The following INTS11 variants were observed in gnomAD, a reference collection of about 807,000 sequenced individuals.
INTS11 encodes the protein CPSF3-like protein.
INTS11 carries 77 observed loss-of-function variants against 78.6 expected under a neutral mutation model. The observed-to-expected ratio is 0.98, with a 90% CI of 0.81 to 1.18. The LOEUF (loss-of-function observed/expected upper bound fraction) is 1.18, where lower values mean the gene tolerates loss of function less well. INTS11 is among the 50% of genes most tolerant of loss of function. The probability of loss-of-function intolerance (pLI) is 0.00; values close to 1 mark genes in which losing one functional copy is unlikely to be tolerated. For synonymous variants in INTS11, 441 were observed against 326.9 expected, an observed-to-expected ratio of 1.35 and a Z score of -3.77; for missense variants, 875 against 825.9, an observed-to-expected ratio of 1.06 and a Z score of -0.73.
rs780852533 is a variant in INTS11 at position 1,311,854 on chromosome 1, C to G, written c.*5G>C. On this transcript the variant is annotated 3_prime_UTR_variant, in exon 17 of 17. Transcript: ENST00000435064. ...CAGAGGTGGCGGCTGGGTGAGTTGCCGGCCTCAGCTGGGGGCCTGGGGGAG... is the reference window on the plus strand; with the variant it reads ...CAGAGGTGGCGGCTGGGTGAGTTGCGGGCCTCAGCTGGGGGCCTGGGGGAG... The G allele has an allele frequency of 6.5e-7, 1 of 1,544,618 alleles. No individual in the cohort carries two copies. Among genetic ancestry groups the G allele is most frequent in the South Asian group, 1.2e-5 (1 of 80,828 alleles).
intron 3 of INTS11, 40 bp downstream of exon 3, chr1:1,320,416 C>T (rs1642876195): frequency 6.3e-7 from 1 of 1,597,726 alleles, no homozygotes; most frequent in Admixed American, 1.7e-5. Context: ...GCCCCACAGG[C>T]ACAGACATGG....
chr1:1,323,518 A>G (rs1033432056), intron 1 of INTS11, among the ~76,000 whole-genome samples: 5 of 150,904 alleles, frequency 3.3e-5, no homozygotes, highest in African/African-American at 1.2e-4. Flanking sequence ...AATCCTCACA[A>G]CTCAGCCTCC....
intron 4 of INTS11, chr1:1,318,481 C>A (rs1018518259): frequency 6.2e-6 from 1 of 160,898 alleles, no homozygotes; most frequent in African/African-American, 2.4e-5. Flanking sequence ...GCAACACATA[C>A]CCATCTCTAC....
chr1:1,313,896 T>G lies in INTS11; in HGVS notation c.793A>C (p.Ile265Leu). Residue 265 changes from isoleucine (I) to leucine (L), a missense_variant, in exon 9 of 17, where the codon ATC becomes CTC. Transcript: ENST00000435064. ...TCGGTCAGCCCCGTGGAGAAGTAGA[T>G]GGGCACCTTCAGGTTCATGCGCTCC... is the stretch of plus-strand genomic sequence containing the variant. ...FWERMNLKVP[I>L]YFSTGLTEKA... 6.2e-7 allele frequency: 1 copy of G among 1,612,890 alleles called. No individual in the cohort carries two copies. The highest frequency in any genetic ancestry group is 8.5e-7 in the Non-Finnish European group (1 of 1,179,848).
At position 1,319,804 on chromosome 1, in the gene INTS11, G is replaced by A. The variant is rs137904791; in HGVS notation, c.201-280C>T. On this transcript the variant is annotated intron_variant, in intron 3 of 16. Transcript: ENST00000435064. Reference sequence around the variant, plus strand: ...TGCTGAGGGAACCGCGCATAGGGGAGCCGCTGGCTTTTCAGGCAGTCAGGA... The same window carrying A: ...TGCTGAGGGAACCGCGCATAGGGGAACCGCTGGCTTTTCAGGCAGTCAGGA... 1.6e-5 allele frequency: 7 copies of A among 434,560 alleles called. No individual in the cohort carries two copies. In the East Asian group the frequency reaches 2.9e-4, roughly 18 times the overall value. The allele number at this position is 434,560 out of a possible 1,614,324, so 26.9% of individuals were successfully genotyped here.
At chr1:1,316,000 T>C (rs948034316) in intron 4 of INTS11, among the ~76,000 whole-genome samples, 1 of 152,176 alleles carries the variant, frequency 6.6e-6, no homozygotes, top group Non-Finnish European at 1.5e-5. Context: ...AGCGTGGACT[T>C]TGAATACATG....
intron 1 of INTS11, among the ~76,000 whole-genome samples, chr1:1,322,226 T>C (rs557988423): frequency 6.6e-6 from 1 of 151,746 alleles, no homozygotes; most frequent in South Asian, 2.1e-4. Flanking sequence ...GGGCCCGGGC[T>C]GGTTTTCTGA....
In INTS11 at chr1:1,312,213, G is replaced by GGGGGGGGGGGGCCCCCCCCCCCCCCCC; in HGVS notation, c.1607+12_1607+13insGGGGGGGGGGGGGGGGCCCCCCCCCCC. ...CCCAAGGGAGTGGGGGGGGGGCGGG[G>GGGGGGGGGGGGCCCCCCCCCCCCCCCC]CCGGGCGCCCACCTCTTGAGGTGGC... On this transcript the variant is annotated intron_variant, in intron 15 of 16. Coordinates refer to ENST00000435064, the MANE Select transcript of INTS11 (RefSeq NM_017871.6). 2 of 934,610 alleles carry GGGGGGGGGGGGCCCCCCCCCCCCCCCC rather than the reference G, an allele frequency of 2.1e-6. No homozygotes were observed. The highest frequency in any genetic ancestry group is 3.1e-6 in the Non-Finnish European group (2 of 636,658). The allele number at this position is 934,610 out of a possible 1,614,324, so 57.9% of individuals were successfully genotyped here. A position where few individuals can be genotyped will look rare whatever the true frequency, so the allele number is the denominator to read the frequency against.
At position 1,312,842 on chromosome 1, in the gene INTS11, C is replaced by T. The variant is rs776895685; in HGVS notation, c.1239G>A (p.Val413=). ...GQAEPESVLL[V]HGEAKKMEFL... ...ACTCCATCTTCTTGGCCTCGCCATGCACCAGCAGCACGCTCTCCGGCTCTG... is the reference window on the plus strand; with the variant it reads ...ACTCCATCTTCTTGGCCTCGCCATGTACCAGCAGCACGCTCTCCGGCTCTG... Residue 413 remains valine (V), a synonymous_variant, in exon 12 of 17, where the codon GTG becomes GTA. Coordinates refer to ENST00000435064, the MANE Select transcript of INTS11 (RefSeq NM_017871.6). 5.0e-6 allele frequency: 8 copies of T among 1,611,976 alleles called. No homozygotes were observed. Among genetic ancestry groups the T allele is most frequent in the African/African-American group, 1.3e-5 (1 of 75,072 alleles).
chr1:1,316,163 T>G, intron 4 of INTS11: 1 of 185,504 alleles, frequency 5.4e-6, no homozygotes, highest in Non-Finnish European at 1.1e-5. Context: ...GTGCCTGTAA[T>G]CCCAACTGCT....
intron 1 of INTS11, 95 bp downstream of exon 1, chr1:1,324,486 T>G: frequency 7.5e-7 from 1 of 1,335,452 alleles, no homozygotes; most frequent in Non-Finnish European, 1.0e-6. Flanking sequence ...GGCGCGCACC[T>G]GGCTCCACGA....
In INTS11 at chr1:1,314,484, C is replaced by T; in HGVS notation, c.703-119G>A. 1 of 861,720 alleles carries T rather than the reference C, an allele frequency of 1.2e-6. No individual in the cohort carries two copies. Among genetic ancestry groups the T allele is most frequent in the Non-Finnish European group, 1.8e-6 (1 of 561,180 alleles). The allele number at this position is 861,720 out of a possible 1,614,324, so 53.4% of individuals were successfully genotyped here. ...CGGCCTCATAGGGACCTTAGCCTCT[C>T]ATCTGCTCCCAGTCCCGTCCCAGCC... On this transcript the variant is annotated intron_variant, in intron 7 of 16. Transcript: ENST00000435064. The surrounding 1 kb of genome is among the most constrained non-coding windows in gnomAD (Gnocchi z 4.2).
chr1:1,311,821 GGA>G lies in INTS11; in HGVS notation c.*36_*37del, dbSNP rs1360584214. 1 of 1,527,230 alleles carries G rather than the reference GGA, an allele frequency of 6.5e-7. No homozygotes were observed. The highest frequency in any genetic ancestry group is 1.4e-5 in the African/African-American group (1 of 72,184). The allele number at this position is 1,527,230 out of a possible 1,614,324, so 94.6% of individuals were successfully genotyped here. A position where few individuals can be genotyped will look rare whatever the true frequency, so the allele number is the denominator to read the frequency against. On this transcript the variant is annotated 3_prime_UTR_variant, in exon 17 of 17. Coordinates refer to ENST00000435064, the MANE Select transcript of INTS11 (RefSeq NM_017871.6). ...TGCAGGCCCAGGGTCTGTCCAGCTG[GGA>G]GAGGGCAGAGGTGGCGGCTGGGTGA...
At chr1:1,319,771 T>C (rs889183100) in intron 3 of INTS11, 3 of 533,194 alleles carry the variant, frequency 5.6e-6, no homozygotes, top group Admixed American at 3.5e-5. Context: ...CGCGAGACAA[T>C]GCAAAGCTGC....
chr1:1,323,457 T>C (rs565514844), intron 1 of INTS11, among the ~76,000 whole-genome samples: 1 of 152,274 alleles, frequency 6.6e-6, no homozygotes, highest in South Asian at 2.1e-4. Flanking sequence ...CAGGCTGGAG[T>C]GCAGTGGCAC....
In INTS11 at chr1:1,313,173, C is replaced by T. The variant is rs1314282522; in HGVS notation, c.1042-49G>A. ...AGCCAGGGAACTCCAGCCTTGGCACCTCAAGGCCTTGCCCGGGATGCCCCC... is the reference window on the plus strand; with the variant it reads ...AGCCAGGGAACTCCAGCCTTGGCACTTCAAGGCCTTGCCCGGGATGCCCCC... On this transcript the variant is annotated intron_variant, in intron 10 of 16. Coordinates refer to ENST00000435064, the MANE Select transcript of INTS11 (RefSeq NM_017871.6). 9 of 1,560,108 alleles carry T rather than the reference C, an allele frequency of 5.8e-6. No homozygotes were observed. The South Asian group carries it at 1.0e-4, about 18-fold the overall frequency.
chr1:1,314,229 G>A lies in INTS11; in HGVS notation c.767+72C>T. 6 of 1,372,680 alleles carry A rather than the reference G, an allele frequency of 4.4e-6. No individual in the cohort carries two copies. The highest frequency in any genetic ancestry group is 5.1e-6 in the Non-Finnish European group (5 of 984,400). The allele number at this position is 1,372,680 out of a possible 1,614,324, so 85.0% of individuals were successfully genotyped here. ...AAGATGCCACCGCTACGCTGGACAGGGCTGCCCACCAACTGGACTGTGTTC... is the reference window on the plus strand; with the variant it reads ...AAGATGCCACCGCTACGCTGGACAGAGCTGCCCACCAACTGGACTGTGTTC... On this transcript the variant is annotated intron_variant, in intron 8 of 16. Coordinates refer to ENST00000435064, the MANE Select transcript of INTS11 (RefSeq NM_017871.6). The surrounding 1 kb of genome is among the most constrained non-coding windows in gnomAD (Gnocchi z 4.2).
intron 4 of INTS11, chr1:1,317,411 A>T: frequency 1.1e-6 from 1 of 944,986 alleles, no homozygotes; most frequent in Non-Finnish European, 1.3e-6. Context: ...AAAAAGAAAA[A>T]AAAAAAGAAT....
Position 1,312,520 on chromosome 1 carries a change from G to C in INTS11, c.1403-19C>G, listed in dbSNP as rs755581282. On this transcript the variant is annotated intron_variant, in intron 13 of 16. Transcript: ENST00000435064. ...AGCAGCCCTGCGGAGGAGGTGGCAG[G>C]AGCCATCAATGTGAGGGCCGCTCCC... 1 of 1,584,434 alleles carries C rather than the reference G, an allele frequency of 6.3e-7. No homozygotes were observed. The highest frequency in any genetic ancestry group is 8.6e-7 in the Non-Finnish European group (1 of 1,165,764).
Sources: gnomAD v4.1 joint callset for allele counts (sites outside exome capture counted in the v4.1 genomes callset) on GRCh38, gnomAD v4.1.1 for gene constraint, Gnocchi (gnomAD v3.1) non-coding constraint, MANE v1.5 for transcripts, NCBI Gene and HGNC (gene_info 2026-07-23, HGNC 2026-07-21) for gene names.